PRX: variants seen among roughly 807,000 people sequenced by gnomAD.
PRX encodes periaxin.
In PRX, 24 loss-of-function variants were observed where a neutral mutation model predicts 29.6. The observed-to-expected ratio is 0.81, with a 90% CI of 0.59 to 1.14. The LOEUF (loss-of-function observed/expected upper bound fraction) is 1.14. Among genes scored for constraint, PRX ranks in the 50% most tolerant of loss-of-function variants. The probability of loss-of-function intolerance (pLI) is 0.00; values close to 1 mark genes in which losing one functional copy is unlikely to be tolerated. For synonymous variants in PRX, 772 were observed against 831.7 expected (o/e 0.93, Z 1.24); for missense variants, 1,838 against 1,926.4 (o/e 0.95, Z 0.86).
chr19:40,396,092 G>C lies in PRX; in HGVS notation c.2260C>G (p.Arg754Gly), dbSNP rs372473354. 6.2e-7 allele frequency: 1 copy of C among 1,614,212 alleles called. No homozygotes were observed. The highest frequency in any genetic ancestry group is 1.1e-5 in the South Asian group (1 of 91,092). Residue 754 changes from arginine to glycine, a missense_variant, in exon 7 of 7, where the codon CGG becomes GGG. Physicochemically the swap from Arg to Gly is moderately radical, Grantham distance 125. This residue lies in a region of PRX where 1,143 missense variants were observed against 1,193.0 expected (regional missense o/e 0.96). Transcript: ENST00000324001. ...TTCGGCACTTGCATTTCCGGCAGCCGAATCTCTGACACTTTCGGCAGCTGC... is the reference window on the plus strand; with the variant it reads ...TTCGGCACTTGCATTTCCGGCAGCCCAATCTCTGACACTTTCGGCAGCTGC... ...EVQLPKVSEIRLPEMQVPKVP... is the reference protein window; with the variant it reads ...EVQLPKVSEIGLPEMQVPKVP...
chr19:40,405,004 G>T (rs3947852), intron 4 of PRX, among the ~76,000 whole-genome samples: 2,333 of 152,296 alleles, frequency 0.015, 127 homozygotes, highest in Admixed American at 0.11. Flanking sequence ...CTGGGATTGG[G>T]GGGACAGGGA....
Position 40,394,788 on chromosome 19 carries a change from G to A in PRX, c.3564C>T (p.Pro1188=). 6.2e-7 allele frequency: 1 copy of A among 1,613,562 alleles called. No homozygotes were observed. Among genetic ancestry groups the A allele is most frequent in the Non-Finnish European group, 8.5e-7 (1 of 1,180,004 alleles). ...CTCCAGGCAGAGACAGGGTCACCTGGGGCACCTGAACCCTGTAGCCTGCTG... is the reference window on the plus strand; with the variant it reads ...CTCCAGGCAGAGACAGGGTCACCTGAGGCACCTGAACCCTGTAGCCTGCTG... ...EGTAGYRVQV[P]QVTLSLPGAQ... The change falls in exon 7 of 7, where the codon CCC becomes CCT. Residue 1188 remains proline, a synonymous_variant. Coordinates refer to ENST00000324001, the MANE Select transcript of PRX (RefSeq NM_181882.3). The surrounding 1 kb of genome is among the most constrained non-coding windows in gnomAD (Gnocchi z 5.8).
In PRX at chr19:40,394,417, C is replaced by G. The variant is rs764644013; in HGVS notation, c.3935G>C (p.Gly1312Ala). The G allele has an allele frequency of 6.2e-7, 1 of 1,601,590 alleles. No individual in the cohort carries two copies. The highest frequency in any genetic ancestry group is 2.3e-5 in the East Asian group (1 of 43,982). Reference protein sequence around the residue: ...HKLKVRLPRFGLVRAKEGAEE... With the variant: ...HKLKVRLPRFALVRAKEGAEE... ...GGCCCCCTCCTTGGCCCGCACCAGG[C>G]CAAACCGGGGCAGCCGTACCTTGAG... is the stretch of plus-strand genomic sequence containing the variant. Residue 1312 changes from glycine to alanine, a missense_variant, in exon 7 of 7, where the codon GGC becomes GCC. Around this residue, in one of 3 missense-constraint regions of PRX, gnomAD observed 1,143 missense variants for 1,193.0 expected, o/e 0.96. Coordinates refer to ENST00000324001, the MANE Select transcript of PRX (RefSeq NM_181882.3). This position sits in a 1 kb window ranked among gnomAD's most constrained non-coding sequence, Gnocchi z 5.8.
At chr19:40,408,065 G>A (rs1281955050) in intron 3 of PRX, 34 bp from the exon 4 acceptor site, 9 of 1,216,174 alleles carry the variant, frequency 7.4e-6, no homozygotes, top group Non-Finnish European at 1.1e-5. Flanking sequence ...CTTGAGGCCA[G>A]TAGGGGACGA....
Position 40,397,221 on chromosome 19 carries a change from T to C in PRX, c.1131A>G (p.Val377=), listed in dbSNP as rs764243665. The C allele has an allele frequency of 3.7e-6, 6 of 1,613,770 alleles. No homozygotes were observed. Among genetic ancestry groups the C allele is most frequent in the Admixed American group, 3.3e-5 (2 of 60,004 alleles). The change falls in exon 7 of 7, where the codon GTA becomes GTG. Residue 377 remains valine (V), a synonymous_variant. Coordinates refer to ENST00000324001, the MANE Select transcript of PRX (RefSeq NM_181882.3). ...ARAKEVAEAK[V]AKVSPEARVK... Reference sequence around the variant, plus strand: ...CCCTGGCCTCAGGGCTGACCTTGGCTACCTTGGCCTCAGCAACTTCCTTTG... The same window carrying C: ...CCCTGGCCTCAGGGCTGACCTTGGCCACCTTGGCCTCAGCAACTTCCTTTG...
intron 4 of PRX, among the ~76,000 whole-genome samples, chr19:40,407,269 T>C (rs2079536180): frequency 6.7e-6 from 1 of 148,868 alleles, no homozygotes; most frequent in Non-Finnish European, 1.5e-5. Context: ...CAGGGTCTTT[T>C]TTTTTTTTTC....
intron 4 of PRX, among the ~76,000 whole-genome samples, chr19:40,404,243 A>T (rs2079516693): frequency 1.3e-5 from 2 of 152,162 alleles, no homozygotes; most frequent in South Asian, 4.1e-4. Flanking sequence ...CGGAACGGTT[A>T]AACAGCTCCG....
In PRX at chr19:40,397,280, G is replaced by C. The variant is rs1023614204; in HGVS notation, c.1072C>G (p.Pro358Ala). Reference sequence around the variant, plus strand: ...CCAAATCGGGGAAAACTAAGGCGGGGCATCTTCAGGGCCACCTCAGGTGCC... The same window carrying C: ...CCAAATCGGGGAAAACTAAGGCGGGCCATCTTCAGGGCCACCTCAGGTGCC... ...GEAPEVALKM[P>A]RLSFPRFGAR... Residue 358 changes from proline to alanine, a missense_variant, in exon 7 of 7, where the codon CCC (proline) becomes GCC (alanine). By Grantham distance (27) the Pro-to-Ala change is conservative. Around this residue, in one of 3 missense-constraint regions of PRX, gnomAD observed 666 missense variants for 665.0 expected, o/e 1.00. Coordinates refer to ENST00000324001, the MANE Select transcript of PRX (RefSeq NM_181882.3). 2 of 1,613,536 alleles carry C rather than the reference G, an allele frequency of 1.2e-6. No individual in the cohort carries two copies. The highest frequency in any genetic ancestry group is 1.7e-6 in the Non-Finnish European group (2 of 1,180,022).
At position 40,398,564 on chromosome 19, in the gene PRX, G is replaced by A; in HGVS notation, c.381+56C>T. On this transcript the variant is annotated intron_variant, in intron 6 of 6. Coordinates refer to ENST00000324001, the MANE Select transcript of PRX (RefSeq NM_181882.3). The surrounding 1 kb of genome is among the most constrained non-coding windows in gnomAD (Gnocchi z 6.3). ...GATGGCGGGGAATGGGGCTCACGGC[G>A]CAGAGACCGGATCGCTGGGGCAGTC... is the stretch of plus-strand genomic sequence containing the variant. 2 of 1,604,844 alleles carry A rather than the reference G, an allele frequency of 1.2e-6. No homozygotes were observed. The highest frequency in any genetic ancestry group is 1.1e-5 in the South Asian group (1 of 90,916).
rs1226485830 is a variant in PRX at position 40,397,750 on chromosome 19, T to C, written c.602A>G (p.Glu201Gly). Residue 201 changes from glutamate (E) to glycine (G), a missense_variant, in exon 7 of 7, where the codon GAG (glutamate) becomes GGG (glycine). Transcript: ENST00000324001. ...PRLRVREVAE[E>G]AQAARLAAAA... ...GGCGGCCAGCCGGGCTGCCTGAGCC[T>C]CTTCGGCCACTTCTCGTACACGCAG... 1.3e-6 allele frequency: 2 copies of C among 1,564,704 alleles called. No homozygotes were observed. The highest frequency in any genetic ancestry group is 3.8e-5 in the Admixed American group (2 of 52,142).
chr19:40,398,294 G>A lies in PRX; in HGVS notation c.382-324C>T. ...AGGGAGAGAAACAACTTTGTCCAGG[G>A]CCACTCAGCAGTAATTGGGCCAGCA... On this transcript the variant is annotated intron_variant, in intron 6 of 6. Transcript: ENST00000324001. The surrounding 1 kb of genome is among the most constrained non-coding windows in gnomAD (Gnocchi z 6.3). The A allele has an allele frequency of 2.1e-6, 3 of 1,420,910 alleles. No homozygotes were observed. The highest frequency in any genetic ancestry group is 2.7e-6 in the Non-Finnish European group (3 of 1,091,574). The allele number at this position is 1,420,910 out of a possible 1,614,324, so 88.0% of individuals were successfully genotyped here.
chr19:40,412,031 C>T (rs1314776530), intron 1 of PRX, among the ~76,000 whole-genome samples: 1 of 152,242 alleles, frequency 6.6e-6, no homozygotes, highest in African/African-American at 2.4e-5. Context: ...GCGACTTATG[C>T]CCTTCAGAGC....
chr19:40,395,222 C>T lies in PRX; in HGVS notation c.3130G>A (p.Glu1044Lys), dbSNP rs2079420897. The T allele has an allele frequency of 6.2e-7, 1 of 1,614,186 alleles. No individual in the cohort carries two copies. Among genetic ancestry groups the T allele is most frequent in the Non-Finnish European group, 8.5e-7 (1 of 1,180,030 alleles). Reference protein sequence around the residue: ...EAAELVPGVAELEGKGWGWDG... With the variant: ...EAAELVPGVAKLEGKGWGWDG... The stretch of plus-strand genomic sequence containing the variant: ...CAGCCCCAGCCCTTGCCCTCCAACT[C>T]AGCCACCCCTGGCACTAGTTCTGCT... The change falls in exon 7 of 7, where the codon GAG becomes AAG. Residue 1044 changes from glutamate to lysine, a missense_variant. Transcript: ENST00000324001.
intron 1 of PRX, among the ~76,000 whole-genome samples, chr19:40,410,530 G>A (rs529144939): frequency 6.6e-6 from 1 of 152,246 alleles, no homozygotes; most frequent in South Asian, 2.1e-4. Context: ...GGGATCCCCT[G>A]TGAGCCCCCT....
In PRX at chr19:40,394,997, T is replaced by G; in HGVS notation, c.3355A>C (p.Ser1119Arg). Reference protein sequence around the residue: ...EGRAEGAVAVSGMQLSGLKVS... With the variant: ...EGRAEGAVAVRGMQLSGLKVS... ...TTCAGGCCTGACAGCTGCATTCCAC[T>G]GACGGCCACAGCCCCCTCTGCCCTC... The change falls in exon 7 of 7, where the codon AGT (serine) becomes CGT (arginine). Residue 1119 changes from serine to arginine, a missense_variant. By Grantham distance (110) the Ser-to-Arg change is moderately radical. Coordinates refer to ENST00000324001, the MANE Select transcript of PRX (RefSeq NM_181882.3). The surrounding 1 kb of genome is among the most constrained non-coding windows in gnomAD (Gnocchi z 5.8). 1.9e-6 allele frequency: 3 copies of G among 1,609,208 alleles called. No individual in the cohort carries two copies. The highest frequency in any genetic ancestry group is 2.5e-6 in the Non-Finnish European group (3 of 1,179,786).
rs772009400 is a variant in PRX at position 40,395,888 on chromosome 19, C to T, written c.2464G>A (p.Glu822Lys). 229 of 1,614,068 alleles carry T rather than the reference C, an allele frequency of 1.4e-4. No homozygotes were observed. Among genetic ancestry groups the T allele is most frequent in the Non-Finnish European group, 1.9e-4 (225 of 1,180,050 alleles). Residue 822 changes from glutamate (E) to lysine (K), a missense_variant, in exon 7 of 7, where the codon GAG becomes AAG. Around this residue, in one of 3 missense-constraint regions of PRX, gnomAD observed 1,143 missense variants for 1,193.0 expected, o/e 0.96. Coordinates refer to ENST00000324001, the MANE Select transcript of PRX (RefSeq NM_181882.3). ...AESPSRGKPGEAGAEVSGKLV... is the reference protein window; with the variant it reads ...AESPSRGKPGKAGAEVSGKLV... The stretch of plus-strand genomic sequence containing the variant: ...TTCCCTGAGACCTCAGCACCCGCCT[C>T]GCCTGGCTTGCCACGTGATGGGGAC...
chr19:40,403,986 G>A (rs2079515016), intron 4 of PRX, 124 bp from the exon 5 acceptor site: 1 of 1,163,582 alleles, frequency 8.6e-7, no homozygotes, highest in Non-Finnish European at 1.2e-6. Context: ...GACGGGGGTG[G>A]GGGACGGTCT....
intron 5 of PRX, among the ~76,000 whole-genome samples, chr19:40,400,592 CAAA>C (rs71171569): frequency 0.04 from 1,765 of 44,644 alleles, 27 homozygotes; most frequent in Non-Finnish European, 0.051. Flanking sequence ...AATTCCATCT[CAAA>C]AAAAAAAAAA....
At chr19:40,411,778 G>C (rs1451151725) in intron 1 of PRX, among the ~76,000 whole-genome samples, 1 of 152,102 alleles carries the variant, frequency 6.6e-6, no homozygotes, top group Admixed American at 6.5e-5. Context: ...GAGGCTCCTG[G>C]GGAGGGTCCC....
Sources: allele counts gnomAD v4.1 joint callset (sites outside exome capture counted in the v4.1 genomes callset), GRCh38; gene constraint gnomAD v4.1.1; regional missense constraint gnomAD v4.1.1; non-coding constraint Gnocchi (gnomAD v3.1); transcripts MANE v1.5; gene names NCBI Gene and HGNC (gene_info 2026-07-23, HGNC 2026-07-21).